Variants in RGS7 observed in about 807,000 individuals in gnomAD.
RGS7 encodes regulator of G-protein signaling 7.
Under a neutral mutation model 81.1 loss-of-function variants are expected in RGS7, and 27 were observed. The observed-to-expected ratio is 0.33, with a 90% CI of 0.25 to 0.46. The LOEUF (loss-of-function observed/expected upper bound fraction) is 0.46, where lower values mean the gene tolerates loss of function less well. RGS7 is among the 20% of genes least tolerant of loss of function. RGS7 has a pLI of 1.00. For missense variants in RGS7, 396 were observed against 607.4 expected (o/e 0.65, Z 3.66); for synonymous variants, 208 against 207.7 (o/e 1.00, Z -0.01).
At chr1:241,355,851 G>T (rs1573820972) in intron 1 of RGS7, 25 bp from the exon 2 acceptor site, 4 of 1,251,060 alleles carry the variant, frequency 3.2e-6, no homozygotes, top group Non-Finnish European at 4.7e-6. Flanking sequence ...AGAGACTTCA[G>T]TGAGATCCCA....
chr1:241,160,369 G>A (rs1572935624), intron 2 of RGS7, among the ~76,000 whole-genome samples: 1 of 152,088 alleles, frequency 6.6e-6, no homozygotes, highest in Non-Finnish European at 1.5e-5. Context: ...ACATTATTCT[G>A]TTCCTCTTCC....
chr1:240,932,880 T>C lies in RGS7; in HGVS notation c.334-2112A>G, dbSNP rs796668294. On this transcript the variant is annotated intron_variant, in intron 5 of 18. Transcript: ENST00000440928. ...TATTTCTACTTTGGTATCTTTCTTT[T>C]TTTTTTTTTTTTTTTTTTTTTGAGA... Among the ~76,000 whole-genome samples, 377 of 101,240 alleles carry C rather than the reference T, an allele frequency of 3.7e-3. 1 individual carries two copies. Among genetic ancestry groups the C allele is most frequent in the African/African-American group, 0.016 (357 of 22,358 alleles). The allele number at this position is 101,240 out of a possible 152,430, so 66.4% of individuals were successfully genotyped here.
At chr1:240,887,638 A>G (rs1572607905) in intron 6 of RGS7, among the ~76,000 whole-genome samples, 1 of 152,304 alleles carries the variant, frequency 6.6e-6, no homozygotes, top group East Asian at 1.9e-4. Flanking sequence ...TGCACTGCCA[A>G]GATTTGTAAA....
At chr1:240,943,206 T>C (rs533634614) in intron 4 of RGS7, among the ~76,000 whole-genome samples, 4 of 152,286 alleles carry the variant, frequency 2.6e-5, no homozygotes, top group African/African-American at 7.2e-5. Flanking sequence ...GTAAACGCTA[T>C]TTCCAAAAAA....
intron 3 of RGS7, among the ~76,000 whole-genome samples, chr1:241,063,382 G>T (rs554098519): frequency 5.1e-4 from 78 of 152,254 alleles, no homozygotes; most frequent in Non-Finnish European, 1.0e-3. Context: ...TCTAAAAAAG[G>T]CAGTAAATGT....
rs1277682518 is a variant in RGS7 at position 241,158,503 on chromosome 1, G to C, written c.79-59741C>G. ...CGCTATCTTTCTTCACATCTTTTTAGTTCAAAATATCTGCCTTAAAACAGA... is the reference window on the plus strand; with the variant it reads ...CGCTATCTTTCTTCACATCTTTTTACTTCAAAATATCTGCCTTAAAACAGA... On this transcript the variant is annotated intron_variant, in intron 2 of 18. Transcript: ENST00000440928. 2.0e-5 allele frequency among the ~76,000 whole-genome samples: 3 copies of C among 152,152 alleles called. No individual in the cohort carries two copies. In the East Asian group the frequency reaches 5.8e-4, roughly 29 times the overall value.
chr1:241,143,514 A>G (rs2068080417), intron 2 of RGS7, among the ~76,000 whole-genome samples: 1 of 152,106 alleles, frequency 6.6e-6, no homozygotes, highest in Non-Finnish European at 1.5e-5. Flanking sequence ...TCTTTTTAAA[A>G]CCATCAGATC....
At chr1:241,209,385 C>T (rs1283789263) in intron 2 of RGS7, among the ~76,000 whole-genome samples, 2 of 151,980 alleles carry the variant, frequency 1.3e-5, no homozygotes, top group Non-Finnish European at 2.9e-5. Flanking sequence ...AATGAAATCC[C>T]CATGAGAATG....
rs537476198 is a variant in RGS7, at chr1:240,779,766, G to A, written c.*7-3553C>T. Among the ~76,000 whole-genome samples, 55 of 152,210 alleles carry A rather than the reference G, an allele frequency of 3.6e-4. No homozygotes were observed. The Middle Eastern group carries it at 0.01, about 28-fold the overall frequency. On this transcript the variant is annotated intron_variant, in intron 18 of 18. Coordinates refer to ENST00000440928, the MANE Select transcript of RGS7 (RefSeq NM_001364886.1). Reference sequence around the variant, plus strand: ...ATAATAGTACTTATTTTCAAATTTTGTTGTGAAGAATGATACAAGTAAATT... The same window carrying A: ...ATAATAGTACTTATTTTCAAATTTTATTGTGAAGAATGATACAAGTAAATT...
rs1013211253 is a variant in RGS7, at chr1:241,260,566, T to C, written c.78+95133A>G. On this transcript the variant is annotated intron_variant, in intron 2 of 18. Coordinates refer to ENST00000440928, the MANE Select transcript of RGS7 (RefSeq NM_001364886.1). The stretch of plus-strand genomic sequence containing the variant: ...TGTGATTCAGTTGCTTTTTTTCACA[T>C]ATTTGTTTCTCAGTTTTTGTGTGTA... Among the ~76,000 whole-genome samples the C allele has an allele frequency of 2.6e-5, 4 of 152,322 alleles. No homozygotes were observed. In the East Asian group the frequency reaches 5.8e-4, roughly 22 times the overall value.
chr1:240,959,252 G>A (rs1439835599), intron 4 of RGS7, among the ~76,000 whole-genome samples: 1 of 152,154 alleles, frequency 6.6e-6, no homozygotes, highest in Non-Finnish European at 1.5e-5. Context: ...ATAAACAAGA[G>A]GAAAATACAG....
At chr1:240,840,368 G>A (rs113115587) in intron 9 of RGS7, among the ~76,000 whole-genome samples, 28 of 152,134 alleles carry the variant, frequency 1.8e-4, no homozygotes, top group African/African-American at 6.7e-4. Flanking sequence ...CCGCCTCCTG[G>A]GTTCAAGCGA....
At chr1:240,888,341 A>G (rs1463657630) in intron 6 of RGS7, among the ~76,000 whole-genome samples, 4 of 152,316 alleles carry the variant, frequency 2.6e-5, no homozygotes, top group East Asian at 1.9e-4. Flanking sequence ...GGCTAATTGC[A>G]TGAGGTGCTG....
chr1:241,183,824 T>C (rs2071850535), intron 2 of RGS7, among the ~76,000 whole-genome samples: 1 of 152,126 alleles, frequency 6.6e-6, no homozygotes, highest in South Asian at 2.1e-4. Context: ...GAGAGGGGTA[T>C]TCCCTCTACT....
At chr1:241,158,677 C>T (rs1400517047) in intron 2 of RGS7, among the ~76,000 whole-genome samples, 1 of 152,126 alleles carries the variant, frequency 6.6e-6, no homozygotes, top group Non-Finnish European at 1.5e-5. Flanking sequence ...TTTAGATCTG[C>T]CCCAAACTCA....
chr1:240,909,938 CG>C (rs1343791282), intron 6 of RGS7, among the ~76,000 whole-genome samples: 2 of 152,126 alleles, frequency 1.3e-5, no homozygotes, highest in Non-Finnish European at 2.9e-5. Context: ...GGGTTTAGTT[CG>C]GTCACTTCCA....
chr1:240,864,011 T>C lies in RGS7; in HGVS notation c.609+4576A>G, dbSNP rs12062650. 7.7e-4 allele frequency among the ~76,000 whole-genome samples: 117 copies of C among 152,232 alleles called. 1 individual carries two copies. The highest frequency in any genetic ancestry group is 2.7e-3 in the African/African-American group (113 of 41,536). ...CACCCCCTAGTTCCAGGCCTGGCTC[T>C]CCCACCGCTAGCTCTGAACCTGAGT... On this transcript the variant is annotated intron_variant, in intron 9 of 18. Transcript: ENST00000440928.
rs977940725 is a variant in RGS7 at position 240,967,574 on chromosome 1, G to A, written c.226+15505C>T. ...AAGTGATTGTGCCAAGAAGTGGGGG[G>A]GGGGGGGAAAAGGCTGTAGCAAGAG... On this transcript the variant is annotated intron_variant, in intron 4 of 18. Coordinates refer to ENST00000440928, the MANE Select transcript of RGS7 (RefSeq NM_001364886.1). 4.8e-4 allele frequency among the ~76,000 whole-genome samples: 63 copies of A among 131,356 alleles called. 2 individuals are homozygous for A. Among genetic ancestry groups the A allele is most frequent in the African/African-American group, 1.7e-3 (63 of 37,768 alleles). 86.2% of individuals were successfully genotyped at this position (131,356 alleles called of 152,430 possible).
intron 3 of RGS7, among the ~76,000 whole-genome samples, chr1:241,038,446 T>C (rs1056063409): frequency 6.6e-6 from 1 of 152,178 alleles, no homozygotes; most frequent in Non-Finnish European, 1.5e-5. Context: ...TCCATAATTA[T>C]GTTGAGAAAG....
Sources: allele counts gnomAD v4.1 joint callset (sites outside exome capture counted in the v4.1 genomes callset), GRCh38; gene constraint gnomAD v4.1.1; transcripts MANE v1.5; gene names NCBI Gene and HGNC (gene_info 2026-07-23, HGNC 2026-07-21).